The following CFTR variants were observed in gnomAD, a reference collection of about 807,000 sequenced individuals.
The protein encoded by CFTR is CF transmembrane conductance regulator.
In CFTR, 181 loss-of-function variants were observed where a neutral mutation model predicts 171.6. That is an observed-to-expected ratio of 1.05 (90% CI 0.93 to 1.19). The LOEUF (loss-of-function observed/expected upper bound fraction) is 1.19, where lower values mean the gene tolerates loss of function less well. Ranked by LOEUF, CFTR falls within the 50% of genes most tolerant of loss-of-function variation. The probability of loss-of-function intolerance (pLI) is 0.00; values close to 1 mark genes in which losing one functional copy is unlikely to be tolerated. For synonymous variants in CFTR, 583 were observed against 608.0 expected, an observed-to-expected ratio of 0.96 and a Z score of 0.60; for missense variants, 1,968 against 1,734.7, an observed-to-expected ratio of 1.13 and a Z score of -2.39.
intron 11 of CFTR, among the ~76,000 whole-genome samples, chr7:117,583,205 C>G (rs1171654252): frequency 6.6e-6 from 1 of 151,952 alleles, no homozygotes; most frequent in Non-Finnish European, 1.5e-5. Context: ...AGTTTTTGGG[C>G]TACAGGTGGT....
At chr7:117,631,634 G>C (rs1475153292) in intron 22 of CFTR, among the ~76,000 whole-genome samples, 1 of 152,186 alleles carries the variant, frequency 6.6e-6, no homozygotes. Context: ...ACATTGAGGT[G>C]CTCAGAAGGT....
intron 10 of CFTR, among the ~76,000 whole-genome samples, chr7:117,556,761 C>T (rs181860807): frequency 0.049 from 7,298 of 147,958 alleles, 257 homozygotes; most frequent in African/African-American, 0.086. Context: ...CCTCGTGATC[C>T]GCCCGCCTCG....
At chr7:117,636,310 G>A (rs1041678947) in intron 22 of CFTR, among the ~76,000 whole-genome samples, 2 of 151,782 alleles carry the variant, frequency 1.3e-5, no homozygotes, top group African/African-American at 4.8e-5. Flanking sequence ...AACATGATAT[G>A]CCTTTCTTTT....
chr7:117,661,983 GAAAAA>G lies in CFTR; in HGVS notation c.3964-2686_3964-2682del, dbSNP rs57319132. On this transcript the variant is annotated intron_variant, in intron 24 of 26. Transcript: ENST00000003084. ...CCTTTTCTTGCTGGTTAATTTTACT[GAAAAA>G]AAAAAAAAAAAAAAAAAACCCTCAA... Among the ~76,000 whole-genome samples the G allele has an allele frequency of 9.2e-3, 809 of 87,532 alleles. 9 individuals carry two copies. The highest frequency in any genetic ancestry group is 0.026 in the African/African-American group (674 of 26,426). 57.4% of individuals were successfully genotyped at this position (87,532 alleles called of 152,430 possible).
chr7:117,600,024 G>C (rs1174467569), intron 15 of CFTR, among the ~76,000 whole-genome samples: 1 of 151,742 alleles, frequency 6.6e-6, no homozygotes, highest in Non-Finnish European at 1.5e-5. Flanking sequence ...TTTTCCTAAG[G>C]GTCATATTTC....
intron 1 of CFTR, among the ~76,000 whole-genome samples, chr7:117,500,517 T>C (rs969158070): frequency 1.3e-5 from 2 of 151,968 alleles, no homozygotes; most frequent in Non-Finnish European, 2.9e-5. Context: ...CTCGAACTCC[T>C]TACCTCAGGT....
chr7:117,592,367 A>G lies in CFTR; in HGVS notation c.2200A>G (p.Arg734Gly). The change falls in exon 14 of 27, where the codon AGA becomes GGA. Residue 734 changes from arginine to glycine, a missense_variant. By Grantham distance (125) the Arg-to-Gly change is moderately radical. Transcript: ENST00000003084. Reference sequence around the variant, plus strand: ...AGAGGATTCTGATGAGCCTTTAGAGAGAAGGCTGTCCTTAGTACCAGATTC... The same window carrying G: ...AGAGGATTCTGATGAGCCTTTAGAGGGAAGGCTGTCCTTAGTACCAGATTC... ...IEEDSDEPLE[R>G]RLSLVPDSEQ... 6.2e-7 allele frequency: 1 copy of G among 1,614,080 alleles called. No individual in the cohort carries two copies. The highest frequency in any genetic ancestry group is 8.5e-7 in the Non-Finnish European group (1 of 1,179,936).
intron 1 of CFTR, among the ~76,000 whole-genome samples, chr7:117,501,551 A>G (rs1798326284): frequency 6.6e-6 from 1 of 151,740 alleles, no homozygotes; most frequent in Admixed American, 6.6e-5. Context: ...TTCGAGACCA[A>G]CCTGACCAAC....
chr7:117,524,659 T>C (rs578147971), intron 3 of CFTR, among the ~76,000 whole-genome samples: 1 of 152,072 alleles, frequency 6.6e-6, no homozygotes, highest in Non-Finnish European at 1.5e-5. Context: ...TAGAGAAAGG[T>C]TGGCAAATAC....
chr7:117,586,494 C>G (rs546834807), intron 11 of CFTR: 2 of 152,234 alleles, frequency 1.3e-5, no homozygotes, highest in African/African-American at 4.8e-5. Flanking sequence ...CAACAGGAAC[C>G]ACCAAATGGT....
At chr7:117,608,247 C>T (rs549484789) in intron 18 of CFTR, among the ~76,000 whole-genome samples, 3 of 152,150 alleles carry the variant, frequency 2.0e-5, no homozygotes, top group Admixed American at 2.0e-4. Flanking sequence ...CTCTGTTGCC[C>T]AGGCTGGAGT....
At chr7:117,501,065 T>C (rs1798318168) in intron 1 of CFTR, among the ~76,000 whole-genome samples, 1 of 152,204 alleles carries the variant, frequency 6.6e-6, no homozygotes, top group Non-Finnish European at 1.5e-5. Flanking sequence ...ATTGAGGAGA[T>C]TTATTTTTAC....
intron 17 of CFTR, among the ~76,000 whole-genome samples, chr7:117,606,362 C>G (rs1441020454): frequency 6.6e-6 from 1 of 152,108 alleles, no homozygotes; most frequent in African/African-American, 2.4e-5. Flanking sequence ...GATTGTAAAG[C>G]AGGATGAGTA....
chr7:117,578,092 C>T (rs80079539), intron 11 of CFTR, among the ~76,000 whole-genome samples: 2,120 of 152,028 alleles, frequency 0.014, 23 homozygotes, highest in Admixed American at 0.022. Flanking sequence ...TACATATATG[C>T]ATGTATATTC....
At chr7:117,557,674 G>A (rs765456564) in intron 10 of CFTR, among the ~76,000 whole-genome samples, 21 of 152,072 alleles carry the variant, frequency 1.4e-4, no homozygotes, top group South Asian at 8.3e-4. Context: ...GAAAATTATA[G>A]TCCTTTTTTT....
chr7:117,521,599 T>G (rs725188), intron 3 of CFTR, among the ~76,000 whole-genome samples: 84,631 of 151,922 alleles, frequency 0.56, 26,531 homozygotes, highest in African/African-American at 0.86. Context: ...AACTGTCCTA[T>G]TATTCTTGGA....
At chr7:117,614,141 T>G (rs1164219481) in intron 20 of CFTR, among the ~76,000 whole-genome samples, 2 of 152,008 alleles carry the variant, frequency 1.3e-5, no homozygotes, top group East Asian at 3.9e-4. Context: ...AGGTCCTCCT[T>G]GCAAAGGCAC....
chr7:117,645,994 G>A (rs185337084), intron 23 of CFTR, among the ~76,000 whole-genome samples: 64 of 152,248 alleles, frequency 4.2e-4, no homozygotes, highest in African/African-American at 1.4e-3. Flanking sequence ...AGAATTCAAT[G>A]TACATTGTTT....
chr7:117,615,641 T>C (rs1228496774), intron 21 of CFTR, among the ~76,000 whole-genome samples: 1 of 151,876 alleles, frequency 6.6e-6, no homozygotes, highest in Non-Finnish European at 1.5e-5. Flanking sequence ...GTTATTTCTC[T>C]TGTTTTGGTT....
Sources: allele counts gnomAD v4.1 joint callset (sites outside exome capture counted in the v4.1 genomes callset), GRCh38; gene constraint gnomAD v4.1.1; transcripts MANE v1.5; gene names NCBI Gene and HGNC (gene_info 2026-07-23, HGNC 2026-07-21).